Variants in LRCH1 observed in about 807,000 individuals in gnomAD.
LRCH1 encodes the protein leucine rich repeats and calponin homology domain containing 1.
In LRCH1, 23 loss-of-function variants were observed where a neutral mutation model predicts 94.9. That is an observed-to-expected ratio of 0.24 (90% CI 0.17 to 0.34). The LOEUF (loss-of-function observed/expected upper bound fraction) is 0.34, where lower values mean the gene tolerates loss of function less well. LRCH1 is among the 10% of genes least tolerant of loss of function. The probability of loss-of-function intolerance (pLI) is 1.00; values close to 1 mark genes in which losing one functional copy is unlikely to be tolerated. For missense variants in LRCH1, 790 were observed against 945.9 expected (o/e 0.84, Z 2.16); for synonymous variants, 364 against 354.9 (o/e 1.03, Z -0.29).
intron 3 of LRCH1, among the ~76,000 whole-genome samples, chr13:46,676,364 A>C (rs541371656): frequency 6.6e-6 from 1 of 152,332 alleles, no homozygotes; most frequent in East Asian, 1.9e-4. Flanking sequence ...CCTGTGTTTC[A>C]ACCAAAATCA....
At chr13:46,673,746 ATTTTTTTTTTTT>A (rs546225715) in intron 3 of LRCH1, among the ~76,000 whole-genome samples, 2 of 108,268 alleles carry the variant, frequency 1.8e-5, no homozygotes, top group Non-Finnish European at 3.7e-5. Context: ...TCCAAATGGA[ATTTTTTTTTTTT>A]TTTTTTTTTT....
chr13:46,670,607 G>A (rs997046945), intron 3 of LRCH1, among the ~76,000 whole-genome samples: 4 of 151,972 alleles, frequency 2.6e-5, no homozygotes, highest in Non-Finnish European at 5.9e-5. Context: ...CACCAAAGGG[G>A]GTAATTCTGA....
At chr13:46,575,365 A>T (rs1285560233) in intron 1 of LRCH1, among the ~76,000 whole-genome samples, 1 of 152,188 alleles carries the variant, frequency 6.6e-6, no homozygotes, top group Non-Finnish European at 1.5e-5. Context: ...GATTATCTAA[A>T]TAAAGAGCTC....
chr13:46,678,279 T>C (rs1033745102), intron 3 of LRCH1, among the ~76,000 whole-genome samples: 13 of 152,360 alleles, frequency 8.5e-5, no homozygotes, highest in Middle Eastern at 3.4e-3. Flanking sequence ...TATTATCTCC[T>C]GTTTCTTTCT....
intron 1 of LRCH1, among the ~76,000 whole-genome samples, chr13:46,645,349 T>C (rs2051207172): frequency 6.6e-6 from 1 of 152,238 alleles, no homozygotes; most frequent in South Asian, 2.1e-4. Flanking sequence ...TATGATGGAA[T>C]ATATATTCTA....
chr13:46,744,405 G>T lies in LRCH1; in HGVS notation c.*2557G>T, dbSNP rs1873818197. 11 of 985,064 alleles carry T rather than the reference G, an allele frequency of 1.1e-5. No homozygotes were observed. The highest frequency in any genetic ancestry group is 1.3e-5 in the Non-Finnish European group (11 of 829,912). The allele number at this position is 985,064 out of a possible 1,614,324, so 61.0% of individuals were successfully genotyped here. On this transcript the variant is annotated 3_prime_UTR_variant, in exon 20 of 20. Coordinates refer to ENST00000389797, the MANE Select transcript of LRCH1 (RefSeq NM_001164211.2). ...CTTTCTCCAGTTTCTCCAACTGGTG[G>T]CAACTCTCCACTCAGTGTCAGGAAT... is the stretch of plus-strand genomic sequence containing the variant.
intron 2 of LRCH1, among the ~76,000 whole-genome samples, chr13:46,666,031 G>A (rs555947227): frequency 1.3e-5 from 2 of 152,304 alleles, no homozygotes; most frequent in South Asian, 2.1e-4. Flanking sequence ...GGAACATCCT[G>A]TGATAAAATA....
chr13:46,711,213 G>T (rs900316960), intron 13 of LRCH1, among the ~76,000 whole-genome samples: 26 of 152,080 alleles, frequency 1.7e-4, no homozygotes, highest in African/African-American at 5.3e-4. Context: ...AGTCATTCCT[G>T]CTGGAAATCG....
chr13:46,675,351 GT>G (rs76393352), intron 3 of LRCH1, among the ~76,000 whole-genome samples: 47 of 150,992 alleles, frequency 3.1e-4, no homozygotes, highest in African/African-American at 1.1e-3. Flanking sequence ...GTCCAGAGAT[GT>G]TTTTTTTTCA....
At chr13:46,672,663 C>G (rs1234498338) in intron 3 of LRCH1, among the ~76,000 whole-genome samples, 2 of 152,188 alleles carry the variant, frequency 1.3e-5, no homozygotes, top group Non-Finnish European at 2.9e-5. Context: ...TAAGGGACAC[C>G]CCATGCTTTT....
In LRCH1 at chr13:46,605,894, T is replaced by C. The variant is rs543198994; in HGVS notation, c.308-44307T>C. ...GACAGACTACTTATGAAAGATAAGA[T>C]GTCAGAGCTGGAAGGCTTCTTAGAT... On this transcript the variant is annotated intron_variant, in intron 1 of 19. Coordinates refer to ENST00000389797, the MANE Select transcript of LRCH1 (RefSeq NM_001164211.2). 4.6e-5 allele frequency among the ~76,000 whole-genome samples: 7 copies of C among 152,360 alleles called. No homozygotes were observed. The South Asian group carries it at 1.5e-3, about 32-fold the overall frequency.
intron 1 of LRCH1, among the ~76,000 whole-genome samples, chr13:46,619,113 T>TCCC (rs1555273972): frequency 8.8e-5 from 8 of 91,068 alleles, no homozygotes; most frequent in African/African-American, 3.8e-4. Flanking sequence ...CCTTCCTTCC[T>TCCC]TTTTTTTGGT....
chr13:46,738,589 C>T (rs1431294156), intron 19 of LRCH1, among the ~76,000 whole-genome samples: 4 of 152,026 alleles, frequency 2.6e-5, no homozygotes, highest in African/African-American at 9.7e-5. Flanking sequence ...AGAAATGGGT[C>T]CCTTATCTTC....
At chr13:46,635,411 G>A (rs1005584471) in intron 1 of LRCH1, among the ~76,000 whole-genome samples, 3 of 149,458 alleles carry the variant, frequency 2.0e-5, no homozygotes, top group African/African-American at 7.4e-5. Context: ...TGGAGGAATT[G>A]TTGATGCCCC....
intron 18 of LRCH1, 64 bp from the exon 19 acceptor site, chr13:46,733,857 A>G (rs1253416439): frequency 5.0e-6 from 5 of 999,358 alleles, no homozygotes; most frequent in Non-Finnish European, 7.4e-6. Flanking sequence ...TTTAAAATTT[A>G]ACATGTTATT....
chr13:46,619,771 G>C (rs1427166551), intron 1 of LRCH1, among the ~76,000 whole-genome samples: 1 of 152,182 alleles, frequency 6.6e-6, no homozygotes, highest in Non-Finnish European at 1.5e-5. Context: ...TTGTTTGGAA[G>C]ATGGAGTAAA....
intron 3 of LRCH1, among the ~76,000 whole-genome samples, chr13:46,670,742 G>A (rs1381812093): frequency 6.6e-6 from 1 of 151,922 alleles, no homozygotes; most frequent in African/African-American, 2.4e-5. Context: ...TCTTCGGGTT[G>A]TGAGAGGTTT....
chr13:46,642,909 G>A (rs750947366), intron 1 of LRCH1, among the ~76,000 whole-genome samples: 1 of 149,272 alleles, frequency 6.7e-6, no homozygotes, highest in Non-Finnish European at 1.5e-5. Context: ...CCAGGCTTTA[G>A]GATGTTAAAA....
chr13:46,728,799 T>A (rs3742273), intron 17 of LRCH1, 48 bp from the exon 18 acceptor site: 1,229,287 of 1,524,380 alleles, frequency 0.81, 506,547 homozygotes, highest in Non-Finnish European at 0.84. Flanking sequence ...TTACTCACAG[T>A]TACCTCAGTG....
Sources: allele counts gnomAD v4.1 joint callset (sites outside exome capture counted in the v4.1 genomes callset), GRCh38; gene constraint gnomAD v4.1.1; transcripts MANE v1.5; gene names NCBI Gene and HGNC (gene_info 2026-07-23, HGNC 2026-07-21).